The following GRIK4 variants were observed in gnomAD, a reference collection of about 807,000 sequenced individuals.
The protein encoded by GRIK4 is glutamate ionotropic receptor kainate type subunit 4, also known as glutamate receptor ionotropic, kainate 4.
In GRIK4, 40 loss-of-function variants were observed where a neutral mutation model predicts 104.9. The observed-to-expected ratio is 0.38, with a 90% confidence interval of 0.30 to 0.50. The LOEUF is 0.50. Ranked by LOEUF, GRIK4 falls within the 20% of genes least tolerant of loss-of-function variation. GRIK4 has a pLI of 0.93. For synonymous variants in GRIK4, 485 were observed against 524.9 expected (o/e 0.92, Z 1.04); for missense variants, 1,047 against 1,308.1 (o/e 0.80, Z 3.08).
chr11:120,969,092 A>G (rs1319757958), intron 19 of GRIK4, among the ~76,000 whole-genome samples: 1 of 152,220 alleles, frequency 6.6e-6, no homozygotes, highest in East Asian at 1.9e-4. Flanking sequence ...ACATCACTTC[A>G]CACTCCTGGG....
intron 1 of GRIK4, among the ~76,000 whole-genome samples, chr11:120,564,976 CGGGGGGGTG>C (rs1555140476): frequency 2.1e-5 from 2 of 97,230 alleles, no homozygotes; most frequent in Admixed American, 1.7e-4. Context: ...CCGCCGGCTG[CGGGGGGGTG>C]GGGGGGGTGG....
intron 3 of GRIK4, among the ~76,000 whole-genome samples, chr11:120,713,817 C>T (rs1003639531): frequency 6.6e-6 from 1 of 152,156 alleles, no homozygotes; most frequent in African/African-American, 2.4e-5. Flanking sequence ...TATCTCTTCA[C>T]AGCAGCTTTG....
intron 1 of GRIK4, among the ~76,000 whole-genome samples, chr11:120,617,376 CTTATTTAT>C (rs1303931253): frequency 6.6e-6 from 1 of 151,254 alleles, no homozygotes. Context: ...TTTATTTTAT[CTTATTTAT>C]TTATTTATTT....
intron 3 of GRIK4, among the ~76,000 whole-genome samples, chr11:120,696,520 C>T (rs1950451595): frequency 9.0e-6 from 1 of 111,724 alleles, no homozygotes. Flanking sequence ...AAGCTTAAAT[C>T]TGGGGGGGCC....
intron 3 of GRIK4, among the ~76,000 whole-genome samples, chr11:120,707,653 C>T (rs1950653773): frequency 6.6e-6 from 1 of 152,138 alleles, no homozygotes. Context: ...GGGCAAGGCT[C>T]AGTAGGGAAG....
At chr11:120,973,254 A>G (rs1432809029) in intron 19 of GRIK4, among the ~76,000 whole-genome samples, 2 of 152,160 alleles carry the variant, frequency 1.3e-5, no homozygotes, top group African/African-American at 4.8e-5. Flanking sequence ...CAGTTTTTGG[A>G]AGACTGTGCT....
chr11:120,590,592 G>A (rs1198758938), intron 1 of GRIK4, among the ~76,000 whole-genome samples: 2 of 152,288 alleles, frequency 1.3e-5, no homozygotes, highest in East Asian at 3.9e-4. Context: ...ATTGTAGAGT[G>A]AATAAATGGA....
At chr11:120,671,522 T>C (rs1279291748) in intron 3 of GRIK4, among the ~76,000 whole-genome samples, 1 of 152,228 alleles carries the variant, frequency 6.6e-6, no homozygotes. Flanking sequence ...CGCGTAAATG[T>C]CTTCTTTTGC....
chr11:120,981,328 G>T (rs1473473217), intron 19 of GRIK4, among the ~76,000 whole-genome samples: 1 of 152,186 alleles, frequency 6.6e-6, no homozygotes, highest in Non-Finnish European at 1.5e-5. Flanking sequence ...ATGAGGACAT[G>T]ACCAGAAACA....
chr11:120,794,859 G>A (rs949752151), intron 3 of GRIK4, among the ~76,000 whole-genome samples: 2 of 152,156 alleles, frequency 1.3e-5, no homozygotes, highest in East Asian at 3.9e-4. Flanking sequence ...TGGGGACGAA[G>A]GCATGAGTTG....
chr11:120,701,951 CTTTTTTTT>C (rs34068640), intron 3 of GRIK4, among the ~76,000 whole-genome samples: 3 of 92,086 alleles, frequency 3.3e-5, no homozygotes, highest in Admixed American at 2.7e-4. Flanking sequence ...TGATTCCAAG[CTTTTTTTT>C]TTTTTTTTTT....
chr11:120,689,244 G>T (rs12283240), intron 3 of GRIK4, among the ~76,000 whole-genome samples: 1 of 151,760 alleles, frequency 6.6e-6, no homozygotes, highest in Non-Finnish European at 1.5e-5. Flanking sequence ...CCTTACCCTC[G>T]TCGAGCCTTC....
intron 13 of GRIK4, among the ~76,000 whole-genome samples, chr11:120,917,243 G>A (rs1446119982): frequency 6.5e-4 from 31 of 47,774 alleles, no homozygotes; most frequent in Admixed American, 3.9e-3. Context: ...GCGAAACTCC[G>A]TCTCAAAAAA....
intron 3 of GRIK4, among the ~76,000 whole-genome samples, chr11:120,785,255 T>C (rs544300034): frequency 6.6e-6 from 1 of 152,238 alleles, no homozygotes; most frequent in Non-Finnish European, 1.5e-5. Flanking sequence ...GCATCTGGGC[T>C]GGCCAGTGCT....
At chr11:120,797,710 G>T (rs1448172516) in intron 3 of GRIK4, among the ~76,000 whole-genome samples, 1 of 152,192 alleles carries the variant, frequency 6.6e-6, no homozygotes, top group East Asian at 1.9e-4. Flanking sequence ...GGGTTGGGAG[G>T]TAGAGAGGAC....
chr11:120,728,233 A>G (rs1951066871), intron 3 of GRIK4, among the ~76,000 whole-genome samples: 1 of 152,190 alleles, frequency 6.6e-6, no homozygotes, highest in Non-Finnish European at 1.5e-5. Context: ...TTCTACAGTC[A>G]TATGTTATGA....
chr11:120,965,928 C>T (rs1486859332), intron 18 of GRIK4, among the ~76,000 whole-genome samples: 1 of 152,164 alleles, frequency 6.6e-6, no homozygotes, highest in Admixed American at 6.5e-5. Context: ...GGGCATCTGT[C>T]CACATCCAGC....
chr11:120,607,114 T>C (rs1948972389), intron 1 of GRIK4, among the ~76,000 whole-genome samples: 1 of 152,062 alleles, frequency 6.6e-6, no homozygotes, highest in Non-Finnish European at 1.5e-5. Context: ...AGGATGCCAG[T>C]TGGGAGGCTC....
intron 1 of GRIK4, among the ~76,000 whole-genome samples, chr11:120,561,107 T>G (rs1948233207): frequency 6.7e-6 from 1 of 149,432 alleles, no homozygotes; most frequent in Non-Finnish European, 1.5e-5. Flanking sequence ...GGTGAGAAAT[T>G]AAAATTGCAA....
Sources: gnomAD v4.1 joint callset for allele counts (sites outside exome capture counted in the v4.1 genomes callset) on GRCh38, gnomAD v4.1.1 for gene constraint, MANE v1.5 for transcripts, NCBI Gene and HGNC (gene_info 2026-07-23, HGNC 2026-07-21) for gene names.